LTBP1: variants seen among roughly 807,000 people sequenced by gnomAD.
The protein encoded by LTBP1 is latent-transforming growth factor beta-binding protein 1.
A neutral mutation model predicts 207.6 loss-of-function variants in LTBP1; 129 were observed. The ratio of observed to expected loss-of-function variants is 0.62; its 90% CI spans 0.54 to 0.72. The LOEUF (loss-of-function observed/expected upper bound fraction) is 0.72, where lower values mean the gene tolerates loss of function less well. Among genes scored for constraint, LTBP1 ranks in the 30% least tolerant of loss-of-function variants. The pLI is 0.00. For missense variants in LTBP1, 2,281 were observed against 2,217.2 expected, an observed-to-expected ratio of 1.03 and a Z score of -0.58; for synonymous variants, 963 against 833.7, an observed-to-expected ratio of 1.16 and a Z score of -2.67.
intron 11 of LTBP1, 44 bp downstream of exon 11, chr2:33,252,888 A>G (rs780326951): frequency 3.3e-6 from 5 of 1,512,184 alleles, no homozygotes; most frequent in Non-Finnish European, 3.6e-6. Flanking sequence ...TCCCAGCCAC[A>G]TGAGTACACG....
chr2:33,097,781 C>G (rs1469944341), intron 3 of LTBP1, among the ~76,000 whole-genome samples: 4 of 152,074 alleles, frequency 2.6e-5, no homozygotes, highest in Middle Eastern at 3.2e-3. Context: ...GAAGTTCCTC[C>G]CTAGCATTGA....
chr2:32,995,850 C>T (rs1380678379), intron 2 of LTBP1, among the ~76,000 whole-genome samples: 1 of 152,128 alleles, frequency 6.6e-6, no homozygotes, highest in African/African-American at 2.4e-5. Context: ...AAGAACATTA[C>T]ATACATTATC....
chr2:33,088,574 T>C (rs2078891631), intron 3 of LTBP1, among the ~76,000 whole-genome samples: 1 of 152,196 alleles, frequency 6.6e-6, no homozygotes, highest in African/African-American at 2.4e-5. Flanking sequence ...TGTTTGGAAA[T>C]GTATCCCTAG....
At chr2:32,991,500 A>G (rs1465819349) in intron 2 of LTBP1, among the ~76,000 whole-genome samples, 1 of 152,216 alleles carries the variant, frequency 6.6e-6, no homozygotes, top group African/African-American at 2.4e-5. Context: ...TTTCATGATA[A>G]AAATAAGGGT....
intron 5 of LTBP1, among the ~76,000 whole-genome samples, chr2:33,165,062 A>G (rs1422639772): frequency 6.6e-6 from 1 of 152,230 alleles, no homozygotes; most frequent in Non-Finnish European, 1.5e-5. Context: ...CATCCAGGAT[A>G]GGGAGTGTGG....
intron 2 of LTBP1, among the ~76,000 whole-genome samples, chr2:32,955,616 G>GT (rs1376711157): frequency 7.3e-5 from 9 of 122,918 alleles, no homozygotes; most frequent in Admixed American, 1.8e-4. Context: ...ACATTTGGGT[G>GT]TTTTTTTCCA....
intron 21 of LTBP1, 91 bp from the exon 22 acceptor site, chr2:33,301,431 T>A: frequency 1.4e-6 from 2 of 1,387,682 alleles, no homozygotes; most frequent in Non-Finnish European, 1.9e-6. Context: ...CAACATTGTC[T>A]TTCTAGAATT....
In LTBP1 at chr2:33,301,660, G is replaced by A. The variant is rs537172590; in HGVS notation, c.3481+16G>A. 15 of 1,566,446 alleles carry A rather than the reference G, an allele frequency of 9.6e-6. No individual in the cohort carries two copies. In the Admixed American group the frequency reaches 2.4e-4, roughly 25 times the overall value. The stretch of plus-strand genomic sequence containing the variant: ...CACTGTGAAGGTAAGAATTGCTCCT[G>A]ATTTCAGAATCATAAAATGCCCAGA... On this transcript the variant is annotated intron_variant, in intron 22 of 33. Coordinates refer to ENST00000404816, the MANE Select transcript of LTBP1 (RefSeq NM_206943.4).
intron 2 of LTBP1, among the ~76,000 whole-genome samples, chr2:32,959,621 A>ATATATATTTTTTTTTTT (rs1475834284): frequency 1.6e-4 from 6 of 36,668 alleles, no homozygotes; most frequent in Admixed American, 5.3e-4. Context: ...ATATATATAT[A>ATATATATTTTTTTTTTT]TTTTTTTTTT....
intron 7 of LTBP1, among the ~76,000 whole-genome samples, chr2:33,197,324 A>C (rs1033693833): frequency 6.6e-6 from 1 of 152,220 alleles, no homozygotes; most frequent in African/African-American, 2.4e-5. Flanking sequence ...AAGTTGTGGT[A>C]GTCTACATAT....
intron 32 of LTBP1, among the ~76,000 whole-genome samples, chr2:33,392,347 C>T (rs140895889): frequency 0.013 from 2,039 of 152,080 alleles, 15 homozygotes; most frequent in Non-Finnish European, 0.021. Flanking sequence ...CCACCATGCC[C>T]GACTAATTTT....
At chr2:32,964,678 A>T (rs532967016) in intron 2 of LTBP1, among the ~76,000 whole-genome samples, 1 of 152,322 alleles carries the variant, frequency 6.6e-6, no homozygotes, top group Admixed American at 6.5e-5. Context: ...AGAAAATTCA[A>T]ATTTGAAGAA....
intron 28 of LTBP1, 133 bp downstream of exon 28, chr2:33,361,648 A>G (rs886979287): frequency 1.8e-6 from 1 of 563,260 alleles, no homozygotes; most frequent in South Asian, 3.1e-5. Context: ...CCTTAATTCT[A>G]CCATTAAAAG....
At chr2:33,165,034 G>A (rs2084800851) in intron 5 of LTBP1, among the ~76,000 whole-genome samples, 1 of 152,134 alleles carries the variant, frequency 6.6e-6, no homozygotes, top group South Asian at 2.1e-4. Flanking sequence ...CCAGGAGGAT[G>A]GCATGTGCGT....
At chr2:33,225,474 G>C (rs1004268800) in intron 9 of LTBP1, among the ~76,000 whole-genome samples, 1 of 152,208 alleles carries the variant, frequency 6.6e-6, no homozygotes, top group Middle Eastern at 3.2e-3. Context: ...GGAGGATCAA[G>C]TCACATCTTA....
intron 2 of LTBP1, among the ~76,000 whole-genome samples, chr2:32,984,766 C>CA (rs35404252): frequency 0.11 from 15,308 of 143,100 alleles, 925 homozygotes; most frequent in Non-Finnish European, 0.14. Context: ...ACTAAAAATA[C>CA]AAAAAAAAAA....
chr2:32,969,746 G>A (rs941655848), intron 2 of LTBP1, among the ~76,000 whole-genome samples: 5 of 152,188 alleles, frequency 3.3e-5, no homozygotes, highest in Non-Finnish European at 5.9e-5. Flanking sequence ...ATGCATGCAT[G>A]TGTCTTTATG....
rs1049106277 is a variant in LTBP1 at position 33,000,258 on chromosome 2, T to C, written c.566-20651T>C. 1.3e-4 allele frequency among the ~76,000 whole-genome samples: 17 copies of C among 134,682 alleles called. 4 individuals carry two copies. The highest frequency in any genetic ancestry group is 3.9e-4 in the African/African-American group (15 of 38,610). 88.4% of individuals were successfully genotyped at this position (134,682 alleles called of 152,430 possible). A position where few individuals can be genotyped will look rare whatever the true frequency, so the allele number is the denominator to read the frequency against. On this transcript the variant is annotated intron_variant, in intron 2 of 33. Coordinates refer to ENST00000404816, the MANE Select transcript of LTBP1 (RefSeq NM_206943.4). ...GCCCAGGAATCAGAATGTTGTAGTG[T>C]AAACATATCTGAAAGCAATAACTTA... is the stretch of plus-strand genomic sequence containing the variant.
intron 5 of LTBP1, among the ~76,000 whole-genome samples, chr2:33,139,959 T>A (rs951087120): frequency 6.6e-6 from 1 of 152,220 alleles, no homozygotes; most frequent in Non-Finnish European, 1.5e-5. Context: ...TTACTAAAGT[T>A]CTCTGAAAGA....
Sources: gnomAD v4.1 joint callset for allele counts (sites outside exome capture counted in the v4.1 genomes callset) on GRCh38, gnomAD v4.1.1 for gene constraint, MANE v1.5 for transcripts, NCBI Gene and HGNC (gene_info 2026-07-23, HGNC 2026-07-21) for gene names.